The following GALNTL6 variants were observed in gnomAD, a reference collection of about 807,000 sequenced individuals.
GALNTL6 encodes the protein polypeptide N-acetylgalactosaminyltransferase-like 6.
Under a neutral mutation model 73.7 loss-of-function variants are expected in GALNTL6, and 46 were observed. That is an observed-to-expected ratio of 0.62 (90% CI 0.49 to 0.80). The LOEUF (loss-of-function observed/expected upper bound fraction) is 0.80. Ranked by LOEUF, GALNTL6 falls within the 30% of genes least tolerant of loss-of-function variation. GALNTL6 has a pLI of 0.00. For synonymous variants in GALNTL6, 259 were observed against 263.7 expected, an observed-to-expected ratio of 0.98 and a Z score of 0.17; for missense variants, 604 against 755.0, an observed-to-expected ratio of 0.80 and a Z score of 2.34.
intron 5 of GALNTL6, among the ~76,000 whole-genome samples, chr4:172,432,876 A>G (rs1478674482): frequency 6.6e-6 from 1 of 152,174 alleles, no homozygotes; most frequent in South Asian, 2.1e-4. Flanking sequence ...ACTCTGCTGG[A>G]TAGCTTTACA....
chr4:172,184,392 G>A (rs1057310831), intron 2 of GALNTL6, among the ~76,000 whole-genome samples: 1 of 152,140 alleles, frequency 6.6e-6, no homozygotes, highest in East Asian at 1.9e-4. Flanking sequence ...TATTGTGAGT[G>A]TTGTGAGTAA....
intron 5 of GALNTL6, among the ~76,000 whole-genome samples, chr4:172,636,977 C>T (rs1739723511): frequency 6.6e-6 from 1 of 151,998 alleles, no homozygotes; most frequent in Non-Finnish European, 1.5e-5. Context: ...GTCTAATTTT[C>T]TACAGATTTG....
chr4:172,765,622 C>T (rs12511715), intron 5 of GALNTL6, among the ~76,000 whole-genome samples: 13,815 of 152,090 alleles, frequency 0.091, 833 homozygotes, highest in East Asian at 0.17. Flanking sequence ...TACAGTAGCA[C>T]CAGAAAATAG....
At chr4:172,956,909 G>C (rs1416283850) in intron 10 of GALNTL6, among the ~76,000 whole-genome samples, 1 of 152,100 alleles carries the variant, frequency 6.6e-6, no homozygotes, top group Non-Finnish European at 1.5e-5. Context: ...AAACTGCTTG[G>C]GTGATTTGAC....
At chr4:172,356,962 T>G (rs1247831591) in intron 5 of GALNTL6, among the ~76,000 whole-genome samples, 1 of 152,148 alleles carries the variant, frequency 6.6e-6, no homozygotes, top group Non-Finnish European at 1.5e-5. Context: ...ATATAGACAT[T>G]CTAGATAATT....
intron 12 of GALNTL6, among the ~76,000 whole-genome samples, chr4:173,025,132 T>C (rs896494739): frequency 6.6e-6 from 1 of 152,164 alleles, no homozygotes; most frequent in Non-Finnish European, 1.5e-5. Context: ...ATGTGGCTCT[T>C]TGCCACCACA....
rs574422372 is a variant in GALNTL6, at chr4:172,817,183, T to G, written c.923+3460T>G. 1.7e-3 allele frequency among the ~76,000 whole-genome samples: 260 copies of G among 151,786 alleles called. 1 individual carries two copies. Among genetic ancestry groups the G allele is most frequent in the Middle Eastern group, 0.01 (3 of 286 alleles). ...ACTCACACCTGTAATCCCAGCACTT[T>G]GGGAGACCAAGGCAGGCAGATTGCT... On this transcript the variant is annotated intron_variant, in intron 7 of 12. Coordinates refer to ENST00000506823, the MANE Select transcript of GALNTL6 (RefSeq NM_001034845.3).
intron 5 of GALNTL6, among the ~76,000 whole-genome samples, chr4:172,778,964 C>T (rs1739224985): frequency 7.0e-6 from 1 of 143,700 alleles, no homozygotes; most frequent in Non-Finnish European, 1.6e-5. Context: ...TTTTTACTAC[C>T]ACCCCCCTTC....
chr4:172,464,755 C>A (rs1732747598), intron 5 of GALNTL6, among the ~76,000 whole-genome samples: 1 of 151,906 alleles, frequency 6.6e-6, no homozygotes, highest in African/African-American at 2.4e-5. Flanking sequence ...AATGAAATTT[C>A]TTTAAGTTAT....
intron 2 of GALNTL6, among the ~76,000 whole-genome samples, chr4:171,871,074 A>G (rs1736121385): frequency 6.6e-6 from 1 of 152,188 alleles, no homozygotes; most frequent in African/African-American, 2.4e-5. Flanking sequence ...GCATTATTAT[A>G]TTAATGTGTA....
chr4:171,942,123 G>A (rs1316297539), intron 2 of GALNTL6, among the ~76,000 whole-genome samples: 1 of 151,898 alleles, frequency 6.6e-6, no homozygotes. Context: ...GCGTTCGGTG[G>A]CTCACGCCTG....
Position 172,809,524 on chromosome 4 carries a change from G to A in GALNTL6, c.717G>A (p.Val239=). Residue 239 remains valine (V), a synonymous_variant, in exon 6 of 13, where the codon GTG becomes GTA. Transcript: ENST00000506823. This position sits in a 1 kb window ranked among gnomAD's most constrained non-coding sequence, Gnocchi z 4.4. Reference sequence around the variant, plus strand: ...TGGACTCCCACTGCGAGGTCAATGTGAACTGGCTGCCCCCACTCCTCAGTG... The same window carrying A: ...TGGACTCCCACTGCGAGGTCAATGTAAACTGGCTGCCCCCACTCCTCAGTG... ...TFLDSHCEVN[V]NWLPPLLNQI... 6.2e-7 allele frequency: 1 copy of A among 1,613,014 alleles called. No individual in the cohort carries two copies. Among genetic ancestry groups the A allele is most frequent in the Non-Finnish European group, 8.5e-7 (1 of 1,179,512 alleles).
intron 5 of GALNTL6, among the ~76,000 whole-genome samples, chr4:172,774,535 T>C (rs997569333): frequency 2.0e-5 from 3 of 152,228 alleles, no homozygotes; most frequent in African/African-American, 7.2e-5. Flanking sequence ...AGCTGTTTTA[T>C]CTAAAATCTG....
At chr4:172,345,055 T>A (rs1741691988) in intron 4 of GALNTL6, among the ~76,000 whole-genome samples, 1 of 151,778 alleles carries the variant, frequency 6.6e-6, no homozygotes, top group Non-Finnish European at 1.5e-5. Flanking sequence ...TACATAGATG[T>A]CCCAATTAAT....
chr4:172,130,048 CAG>C (rs1354672339), intron 2 of GALNTL6, among the ~76,000 whole-genome samples: 1 of 152,050 alleles, frequency 6.6e-6, no homozygotes, highest in Non-Finnish European at 1.5e-5. Context: ...TAAGGGAACA[CAG>C]AGGATTTTAA....
intron 5 of GALNTL6, among the ~76,000 whole-genome samples, chr4:172,709,475 A>G (rs558714321): frequency 9.2e-5 from 14 of 152,292 alleles, no homozygotes; most frequent in African/African-American, 3.4e-4. Context: ...TAAACACACA[A>G]CAAAGGGTCC....
intron 5 of GALNTL6, among the ~76,000 whole-genome samples, chr4:172,749,579 G>T (rs895767128): frequency 5.9e-5 from 9 of 151,684 alleles, no homozygotes; most frequent in African/African-American, 2.2e-4. Context: ...TAAGTGGCTG[G>T]GAGGTTAATC....
chr4:172,477,666 C>A (rs1733287592), intron 5 of GALNTL6, among the ~76,000 whole-genome samples: 1 of 152,166 alleles, frequency 6.6e-6, no homozygotes, highest in African/African-American at 2.4e-5. Context: ...GGTCAAATTC[C>A]ATGCTGTGAT....
intron 5 of GALNTL6, among the ~76,000 whole-genome samples, chr4:172,789,532 A>G (rs1285345651): frequency 2.0e-5 from 3 of 152,126 alleles, no homozygotes; most frequent in Non-Finnish European, 4.4e-5. Flanking sequence ...CACCCCTGTT[A>G]TAAAGGATTT....
Sources: allele counts gnomAD v4.1 joint callset (sites outside exome capture counted in the v4.1 genomes callset), GRCh38; gene constraint gnomAD v4.1.1; non-coding constraint Gnocchi (gnomAD v3.1); transcripts MANE v1.5; gene names NCBI Gene and HGNC (gene_info 2026-07-23, HGNC 2026-07-21).